The following SLC35B3 variants were observed in gnomAD, a reference collection of about 807,000 sequenced individuals.
SLC35B3 encodes adenosine 3'-phospho 5'-phosphosulfate transporter 2.
In SLC35B3, 35 loss-of-function variants were observed where a neutral mutation model predicts 44.1. The ratio of observed to expected loss-of-function variants is 0.79; its 90% CI spans 0.61 to 1.05. SLC35B3 has a LOEUF of 1.05. Ranked by LOEUF, SLC35B3 falls within the 50% of genes least tolerant of loss-of-function variation. SLC35B3 has a pLI of 0.00. For missense variants in SLC35B3, 414 were observed against 476.4 expected (o/e 0.87, Z 1.22); for synonymous variants, 146 against 167.3 (o/e 0.87, Z 0.98).
In SLC35B3 at chr6:8,428,089, C is replaced by T. The variant is rs746339660; in HGVS notation, c.298-31G>A. 5 of 1,441,044 alleles carry T rather than the reference C, an allele frequency of 3.5e-6. No homozygotes were observed. In the African/African-American group the frequency reaches 7.2e-5, roughly 21 times the overall value. 89.3% of individuals were successfully genotyped at this position (1,441,044 alleles called of 1,614,324 possible). On this transcript the variant is annotated intron_variant, in intron 3 of 10. Coordinates refer to ENST00000644923, the MANE Select transcript of SLC35B3 (RefSeq NM_001370476.2). ...AAAAGACACATGAACACTGTTAAGT[C>T]CAAGGCAGCACACTAATTTCCTAAA...
rs1274576181 is a variant in SLC35B3, at chr6:8,429,939, C to T, written c.222G>A (p.Lys74=). Residue 74 remains lysine (K), a synonymous_variant, in exon 3 of 11, where the codon AAG becomes AAA. Coordinates refer to ENST00000644923, the MANE Select transcript of SLC35B3 (RefSeq NM_001370476.2). ...TGAAAAACTGAGTAAGTTTGTTAAA[C>T]TTGCTGAGATTCATGCCAAGTACCA... is the stretch of plus-strand genomic sequence containing the variant. The T allele has an allele frequency of 6.2e-7, 1 of 1,611,286 alleles. No individual in the cohort carries two copies. Among genetic ancestry groups the T allele is most frequent in the Non-Finnish European group, 8.5e-7 (1 of 1,179,078 alleles).
chr6:8,423,076 C>G (rs1399853947), intron 4 of SLC35B3, among the ~76,000 whole-genome samples: 1 of 152,160 alleles, frequency 6.6e-6, no homozygotes, highest in Non-Finnish European at 1.5e-5. Flanking sequence ...CAACCTCTGC[C>G]TCACGGGTTC....
intron 4 of SLC35B3, among the ~76,000 whole-genome samples, chr6:8,424,996 ATAAAT>A (rs1763281042): frequency 6.6e-6 from 1 of 152,380 alleles, no homozygotes; most frequent in East Asian, 1.9e-4. Flanking sequence ...ATTTGCAGAA[ATAAAT>A]TCAGAAAGGT....
rs541526472 is a variant in SLC35B3 at position 8,434,978 on chromosome 6, A to G, written c.-44+365T>C. ...CCTATTTAATAAACACGGAACGAGGAAACAGTTAACTGTAAATACAGTCTA... is the reference window on the plus strand; with the variant it reads ...CCTATTTAATAAACACGGAACGAGGGAACAGTTAACTGTAAATACAGTCTA... On this transcript the variant is annotated intron_variant, in intron 1 of 10. Transcript: ENST00000644923. The surrounding 1 kb of genome is among the most constrained non-coding windows in gnomAD (Gnocchi z 6.3). 1 of 699,812 alleles carries G rather than the reference A, an allele frequency of 1.4e-6. No individual in the cohort carries two copies. Among genetic ancestry groups the G allele is most frequent in the East Asian group, 7.9e-5 (1 of 12,714 alleles). The allele number at this position is 699,812 out of a possible 1,614,324, so 43.4% of individuals were successfully genotyped here. A position where few individuals can be genotyped will look rare whatever the true frequency, so the allele number is the denominator to read the frequency against.
At position 8,433,547 on chromosome 6, in the gene SLC35B3, T is replaced by C. The variant is rs1273345428; in HGVS notation, c.3+838A>G. ...CTTTCCAACACTTTACCACTTCTAA[T>C]ACACTTCTTGGCAACTTTATGTGCT... On this transcript the variant is annotated intron_variant, in intron 2 of 10. Transcript: ENST00000644923. The surrounding 1 kb of genome is among the most constrained non-coding windows in gnomAD (Gnocchi z 4.1). Among the ~76,000 whole-genome samples, 1 of 152,170 alleles carries C rather than the reference T, an allele frequency of 6.6e-6. No individual in the cohort carries two copies. Among genetic ancestry groups the C allele is most frequent in the Non-Finnish European group, 1.5e-5 (1 of 68,028 alleles).
At position 8,416,998 on chromosome 6, in the gene SLC35B3, G is replaced by A; in HGVS notation, c.874-3C>T. On this transcript the variant is annotated splice_region_variant and splice_polypyrimidine_tract_variant and intron_variant, in intron 8 of 10. Coordinates refer to ENST00000644923, the MANE Select transcript of SLC35B3 (RefSeq NM_001370476.2). ...TAACCATAGGTCCGAACTGGATTCT[G>A]CAAAAAATAAAAAAGCCTGTTAGAA... The A allele has an allele frequency of 1.3e-6, 2 of 1,508,972 alleles. No homozygotes were observed. The highest frequency in any genetic ancestry group is 2.2e-5 in the Admixed American group (1 of 44,818). 93.5% of individuals were successfully genotyped at this position (1,508,972 alleles called of 1,614,324 possible).
chr6:8,423,704 A>G (rs1248298977), intron 4 of SLC35B3, among the ~76,000 whole-genome samples: 2 of 152,216 alleles, frequency 1.3e-5, no homozygotes, highest in East Asian at 1.9e-4. Flanking sequence ...ATATGGTTAG[A>G]TATAAGGTAA....
In SLC35B3 at chr6:8,433,095, C is replaced by T. The variant is rs1230124565; in HGVS notation, c.3+1290G>A. On this transcript the variant is annotated intron_variant, in intron 2 of 10. Transcript: ENST00000644923. The surrounding 1 kb of genome is among the most constrained non-coding windows in gnomAD (Gnocchi z 4.1). ...CCTTTTCCTCACATTCTATATTTTG[C>T]CAAGATTCCTGTTAACTCTACCTCT... 2.6e-5 allele frequency among the ~76,000 whole-genome samples: 4 copies of T among 152,120 alleles called. No homozygotes were observed. Among genetic ancestry groups the T allele is most frequent in the Non-Finnish European group, 5.9e-5 (4 of 68,024 alleles).
At position 8,435,515 on chromosome 6, in the gene SLC35B3, T is replaced by C. The variant is rs558069938; in HGVS notation, c.-216A>G. 8.2e-5 allele frequency: 50 copies of C among 613,200 alleles called. 1 individual carries two copies. The highest frequency in any genetic ancestry group is 7.4e-4 in the South Asian group (42 of 56,802). The allele number at this position is 613,200 out of a possible 1,614,324, so 38.0% of individuals were successfully genotyped here. A position where few individuals can be genotyped will look rare whatever the true frequency, so the allele number is the denominator to read the frequency against. On this transcript the variant is annotated 5_prime_UTR_variant, in exon 1 of 11. Coordinates refer to ENST00000644923, the MANE Select transcript of SLC35B3 (RefSeq NM_001370476.2). The surrounding 1 kb of genome is among the most constrained non-coding windows in gnomAD (Gnocchi z 5.5). Reference sequence around the variant, plus strand: ...CGCCTCCCCGGAAAGCACTCTCAACTCCGGCGCCCGCAGGCCACTTCCGCC... The same window carrying C: ...CGCCTCCCCGGAAAGCACTCTCAACCCCGGCGCCCGCAGGCCACTTCCGCC...
intron 9 of SLC35B3, among the ~76,000 whole-genome samples, chr6:8,416,150 G>A (rs533606575): frequency 3.9e-5 from 6 of 152,258 alleles, no homozygotes; most frequent in African/African-American, 1.4e-4. Flanking sequence ...TTATAGGACT[G>A]CTGTGAGATT....
rs1164952485 is a variant in SLC35B3, at chr6:8,411,742, A to G, written c.*1807T>C. On this transcript the variant is annotated 3_prime_UTR_variant, in exon 11 of 11. Coordinates refer to ENST00000644923, the MANE Select transcript of SLC35B3 (RefSeq NM_001370476.2). The stretch of plus-strand genomic sequence containing the variant: ...CAGATTAAATAGCCATCAGAATACA[A>G]TGGAATTTTAAGAATGAGATTAACT... Among the ~76,000 whole-genome samples, 1 of 152,208 alleles carries G rather than the reference A, an allele frequency of 6.6e-6. No homozygotes were observed. The highest frequency in any genetic ancestry group is 1.9e-4 in the East Asian group (1 of 5,202).
At chr6:8,423,174 A>G (rs1393113129) in intron 4 of SLC35B3, among the ~76,000 whole-genome samples, 1 of 152,178 alleles carries the variant, frequency 6.6e-6, no homozygotes, top group Non-Finnish European at 1.5e-5. Context: ...CCATAATGGT[A>G]AAAGGTACCT....
At chr6:8,431,839 C>T (rs1025326628) in intron 2 of SLC35B3, among the ~76,000 whole-genome samples, 7 of 152,082 alleles carry the variant, frequency 4.6e-5, no homozygotes, top group Non-Finnish European at 7.4e-5. Flanking sequence ...CAAATAAACC[C>T]GGCCTTACAT....
intron 10 of SLC35B3, among the ~76,000 whole-genome samples, chr6:8,414,284 G>T (rs1221724380): frequency 6.6e-6 from 1 of 152,034 alleles, no homozygotes; most frequent in Non-Finnish European, 1.5e-5. Flanking sequence ...CAAACTTATA[G>T]ATTGTTAAGT....
chr6:8,413,807 T>G (rs1268829609), intron 10 of SLC35B3, 108 bp from the exon 10 acceptor site: 4 of 645,438 alleles, frequency 6.2e-6, no homozygotes, highest in African/African-American at 1.9e-5. Context: ...TGAAGTAAAA[T>G]TCTATTAGAA....
At chr6:8,421,205 G>A (rs1762859972) in intron 5 of SLC35B3, among the ~76,000 whole-genome samples, 2 of 152,082 alleles carry the variant, frequency 1.3e-5, no homozygotes, top group African/African-American at 4.8e-5. Flanking sequence ...GTAAATTTAC[G>A]AAGTAACCAG....
intron 9 of SLC35B3, among the ~76,000 whole-genome samples, chr6:8,415,603 C>G (rs1762348813): frequency 1.3e-5 from 2 of 152,162 alleles, no homozygotes; most frequent in Non-Finnish European, 2.9e-5. Context: ...ATGTGCTTTA[C>G]TTAGTTTCTT....
chr6:8,418,705 A>G (rs866431151), intron 7 of SLC35B3: 3 of 153,390 alleles, frequency 2.0e-5, no homozygotes, highest in Middle Eastern at 5.3e-3. Flanking sequence ...TCTAATGGAC[A>G]TTGAAAAAAA....
intron 3 of SLC35B3, 48 bp downstream of exon 2, chr6:8,429,816 G>A (rs6918877): frequency 0.44 from 593,173 of 1,355,938 alleles, 132,562 homozygotes; most frequent in African/African-American, 0.68. Flanking sequence ...CATACTGACC[G>A]CAATTATTAT....
Sources: gnomAD v4.1 joint callset for allele counts (sites outside exome capture counted in the v4.1 genomes callset) on GRCh38, gnomAD v4.1.1 for gene constraint, Gnocchi (gnomAD v3.1) non-coding constraint, MANE v1.5 for transcripts, NCBI Gene and HGNC (gene_info 2026-07-23, HGNC 2026-07-21) for gene names.